The following ZRANB3 variants were observed in gnomAD, a reference collection of about 807,000 sequenced individuals.
ZRANB3 encodes the protein zinc finger RANBP2-type containing 3.
A neutral mutation model predicts 133.8 loss-of-function variants in ZRANB3; 125 were observed. The observed-to-expected ratio is 0.93, with a 90% CI of 0.81 to 1.08. ZRANB3 has a LOEUF of 1.08. ZRANB3 is among the 50% of genes least tolerant of loss of function. ZRANB3 has a pLI of 0.00. For synonymous variants in ZRANB3, 387 were observed against 432.7 expected (o/e 0.89, Z 1.31); for missense variants, 1,229 against 1,275.5 (o/e 0.96, Z 0.56).
At chr2:135,311,346 T>C (rs1377232983) in intron 8 of ZRANB3, among the ~76,000 whole-genome samples, 2 of 152,160 alleles carry the variant, frequency 1.3e-5, no homozygotes, top group Admixed American at 6.6e-5. Context: ...GGAACTCTCA[T>C]ACAATGTCAG....
Position 135,197,498 on chromosome 2 carries a change from T to C in ZRANB3, c.*2844A>G, listed in dbSNP as rs1558820528. On this transcript the variant is annotated 3_prime_UTR_variant, in exon 21 of 21. Transcript: ENST00000264159. ...GGTATTCACTTGTCACAGGAAAATC[T>C]CCCCAAGAAATGTACGTTGGGCTGT... 6.6e-6 allele frequency: 1 copy of C among 152,212 alleles called. No homozygotes were observed. The highest frequency in any genetic ancestry group is 1.5e-5 in the Non-Finnish European group (1 of 68,040). The allele number at this position is 152,212 out of a possible 1,614,324, so 9.4% of individuals were successfully genotyped here. A position where few individuals can be genotyped will look rare whatever the true frequency, so the allele number is the denominator to read the frequency against.
At chr2:135,430,538 T>C (rs971677727) in intron 2 of ZRANB3, among the ~76,000 whole-genome samples, 1 of 152,044 alleles carries the variant, frequency 6.6e-6, no homozygotes, top group Non-Finnish European at 1.5e-5. Flanking sequence ...AGATGAATTG[T>C]CAGATAAAAT....
At chr2:135,496,515 C>T (rs1305356071) in intron 2 of ZRANB3, among the ~76,000 whole-genome samples, 1 of 150,256 alleles carries the variant, frequency 6.7e-6, no homozygotes, top group Non-Finnish European at 1.5e-5. Context: ...GCAAAATTAA[C>T]CTCTAAAGGA....
chr2:135,260,891 CTT>C (rs1487077001), intron 12 of ZRANB3, among the ~76,000 whole-genome samples: 1 of 144,252 alleles, frequency 6.9e-6, no homozygotes, highest in Non-Finnish European at 1.5e-5. Context: ...TATATATACA[CTT>C]GACATATATA....
chr2:135,474,433 GA>G (rs1691413294), intron 2 of ZRANB3, among the ~76,000 whole-genome samples: 2 of 152,066 alleles, frequency 1.3e-5, no homozygotes, highest in Non-Finnish European at 2.9e-5. Flanking sequence ...ATCGTGGGAG[GA>G]ATCTGGCTCA....
chr2:135,224,702 T>C (rs1020438662), intron 14 of ZRANB3, among the ~76,000 whole-genome samples, 185 bp from the exon 15 acceptor site: 1 of 152,224 alleles, frequency 6.6e-6, no homozygotes, highest in African/African-American at 2.4e-5. Context: ...GCATATTGGC[T>C]TATATGGTAA....
intron 2 of ZRANB3, among the ~76,000 whole-genome samples, chr2:135,485,045 A>G (rs1445570728): frequency 1.3e-5 from 2 of 152,058 alleles, no homozygotes; most frequent in African/African-American, 4.8e-5. Flanking sequence ...AAGAAATATG[A>G]ATAAATAAAA....
chr2:135,232,388 AGGCAGC>A (rs1172849114), intron 12 of ZRANB3, among the ~76,000 whole-genome samples: 1 of 152,216 alleles, frequency 6.6e-6, no homozygotes, highest in South Asian at 2.1e-4. Flanking sequence ...GCCAAACAAA[AGGCAGC>A]AGAAACCTCT....
At chr2:135,501,450 G>T (rs1259930069) in intron 2 of ZRANB3, among the ~76,000 whole-genome samples, 2 of 152,058 alleles carry the variant, frequency 1.3e-5, no homozygotes, top group East Asian at 3.8e-4. Context: ...TCAGAAACAA[G>T]AACATTCTTC....
intron 17 of ZRANB3, among the ~76,000 whole-genome samples, chr2:135,212,400 G>A (rs1224626832): frequency 6.6e-6 from 1 of 152,156 alleles, no homozygotes; most frequent in East Asian, 1.9e-4. Flanking sequence ...GGGATATTAA[G>A]CCTTGCCTGA....
At chr2:135,294,885 G>T (rs1681961469) in intron 8 of ZRANB3, among the ~76,000 whole-genome samples, 1 of 152,152 alleles carries the variant, frequency 6.6e-6, no homozygotes, top group Non-Finnish European at 1.5e-5. Context: ...AGGTTGTTCA[G>T]TTTCCACGTA....
rs377640684 is a variant in ZRANB3 at position 135,405,843 on chromosome 2, T to C, written c.162-15023A>G. ...GCAGTGTGTAGAGGGAAATTTATAGTACTAAATGCCCACAAGAGAAAGCAG... is the reference window on the plus strand; with the variant it reads ...GCAGTGTGTAGAGGGAAATTTATAGCACTAAATGCCCACAAGAGAAAGCAG... On this transcript the variant is annotated intron_variant, in intron 2 of 20. Coordinates refer to ENST00000264159, the MANE Select transcript of ZRANB3 (RefSeq NM_032143.4). Among the ~76,000 whole-genome samples, 14 of 152,178 alleles carry C rather than the reference T, an allele frequency of 9.2e-5. 1 individual carries two copies. The highest frequency in any genetic ancestry group is 2.6e-4 in the Admixed American group (4 of 15,256).
intron 8 of ZRANB3, among the ~76,000 whole-genome samples, chr2:135,287,667 T>C (rs1186158902): frequency 6.8e-6 from 1 of 146,448 alleles, no homozygotes; most frequent in Non-Finnish European, 1.5e-5. Flanking sequence ...GTATATTTCT[T>C]TCCTTTTTTT....
chr2:135,298,586 G>A (rs1682277018), intron 8 of ZRANB3, among the ~76,000 whole-genome samples: 1 of 152,112 alleles, frequency 6.6e-6, no homozygotes, highest in Admixed American at 6.5e-5. Flanking sequence ...GATTGTTATT[G>A]CTCTTATGGG....
intron 12 of ZRANB3, among the ~76,000 whole-genome samples, chr2:135,242,499 G>C (rs1695596600): frequency 6.6e-6 from 1 of 151,426 alleles, no homozygotes; most frequent in Admixed American, 6.6e-5. Context: ...GTGTTACCCA[G>C]GGGGGGCTCA....
intron 6 of ZRANB3, among the ~76,000 whole-genome samples, chr2:135,320,919 ATTTC>A (rs1683493286): frequency 6.6e-6 from 1 of 152,116 alleles, no homozygotes; most frequent in Admixed American, 6.6e-5. Flanking sequence ...TTTAAATCTT[ATTTC>A]TTTCACTTAG....
At chr2:135,506,567 G>A (rs1346967483) in intron 1 of ZRANB3, among the ~76,000 whole-genome samples, 1 of 152,092 alleles carries the variant, frequency 6.6e-6, no homozygotes, top group Non-Finnish European at 1.5e-5. Flanking sequence ...TTAACAAAAT[G>A]TTTAATTAAA....
chr2:135,300,690 C>T (rs938067865), intron 8 of ZRANB3, among the ~76,000 whole-genome samples: 3 of 152,176 alleles, frequency 2.0e-5, no homozygotes, highest in Non-Finnish European at 2.9e-5. Context: ...ACTGATTGCA[C>T]TGCCTTAATC....
At chr2:135,229,748 C>T (rs1367802873) in intron 13 of ZRANB3, among the ~76,000 whole-genome samples, 2 of 152,092 alleles carry the variant, frequency 1.3e-5, no homozygotes, top group African/African-American at 4.8e-5. Flanking sequence ...ATGTGTACTT[C>T]CAGTTTCCAA....
Sources: gnomAD v4.1 joint callset for allele counts (sites outside exome capture counted in the v4.1 genomes callset) on GRCh38, gnomAD v4.1.1 for gene constraint, MANE v1.5 for transcripts, NCBI Gene and HGNC (gene_info 2026-07-23, HGNC 2026-07-21) for gene names.